Variants in EYS observed in about 807,000 individuals in gnomAD.
The protein encoded by EYS is EGF-like photoreceptor maintenance factor, also known as protein eyes shut homolog.
In EYS, 250 loss-of-function variants were observed where a neutral mutation model predicts 282.1. That is an observed-to-expected ratio of 0.89 (90% confidence interval 0.80 to 0.98). The LOEUF is 0.98. Among genes scored for constraint, EYS ranks in the 50% least tolerant of loss-of-function variants. The pLI, the probability that EYS is intolerant of heterozygous loss-of-function variation, is 0.00. For synonymous variants in EYS, 1,355 were observed against 1,282.9 expected (o/e 1.06, Z -1.20); for missense variants, 4,016 against 3,709.0 (o/e 1.08, Z -2.15).
chr6:65,539,931 C>A (rs1331200), intron 2 of EYS, among the ~76,000 whole-genome samples: 31,605 of 152,142 alleles, frequency 0.21, 3,685 homozygotes, highest in East Asian at 0.31. Context: ...AGGGAGAAAG[C>A]TCATAATGCT....
intron 26 of EYS, among the ~76,000 whole-genome samples, chr6:64,540,473 A>G (rs1764667598): frequency 7.2e-6 from 1 of 138,276 alleles, no homozygotes; most frequent in African/African-American, 2.6e-5. Flanking sequence ...GTCCAAGTAC[A>G]GATTTTTTTT....
At chr6:64,682,436 A>G (rs910307307) in intron 22 of EYS, among the ~76,000 whole-genome samples, 2 of 152,144 alleles carry the variant, frequency 1.3e-5, no homozygotes, top group African/African-American at 4.8e-5. Context: ...AGAGAGGCCA[A>G]TTCCTGATGG....
chr6:65,548,758 C>T (rs1929334), intron 2 of EYS, among the ~76,000 whole-genome samples: 113,291 of 152,182 alleles, frequency 0.74, 42,935 homozygotes, highest in African/African-American at 0.88. Context: ...TTAAACCCAC[C>T]CTATGAAGCC....
rs145068854 is a variant in EYS at position 65,250,530 on chromosome 6, G to A, written c.2023+45333C>T. On this transcript the variant is annotated intron_variant, in intron 12 of 42. Coordinates refer to ENST00000503581, the MANE Select transcript of EYS (RefSeq NM_001142800.2). ...AAAAATTCTCAGAAGAAATCTAACA[G>A]TACCTTAATAAAGCTGACTTCCAAG... Among the ~76,000 whole-genome samples, 781 of 151,974 alleles carry A rather than the reference G, an allele frequency of 5.1e-3. 6 individuals are homozygous for A. The highest frequency in any genetic ancestry group is 0.018 in the African/African-American group (750 of 41,478).
intron 5 of EYS, among the ~76,000 whole-genome samples, chr6:65,488,610 G>T (rs922075582): frequency 1.3e-5 from 2 of 151,952 alleles, no homozygotes; most frequent in African/African-American, 4.8e-5. Context: ...TTTCTTCACA[G>T]AATTGGAAAA....
chr6:64,935,215 C>G (rs1262021773), intron 15 of EYS, among the ~76,000 whole-genome samples: 1 of 151,382 alleles, frequency 6.6e-6, no homozygotes, highest in East Asian at 1.9e-4. Context: ...CAAAGTAAGG[C>G]AATAATGGAA....
chr6:64,393,242 A>T (rs1247361256), intron 28 of EYS, among the ~76,000 whole-genome samples: 1 of 152,218 alleles, frequency 6.6e-6, no homozygotes, highest in African/African-American at 2.4e-5. Flanking sequence ...AACCATTCCA[A>T]TCAATAGAAA....
chr6:65,008,055 G>C (rs1477957545), intron 13 of EYS, among the ~76,000 whole-genome samples: 1 of 152,178 alleles, frequency 6.6e-6, no homozygotes, highest in Non-Finnish European at 1.5e-5. Context: ...CCACAGGCCA[G>C]CAGGCAGTTC....
intron 31 of EYS, among the ~76,000 whole-genome samples, chr6:64,118,544 G>A (rs914035086): frequency 6.6e-6 from 1 of 152,002 alleles, no homozygotes; most frequent in African/African-American, 2.4e-5. Flanking sequence ...AACTCAAAAT[G>A]GATGAAATAA....
intron 2 of EYS, among the ~76,000 whole-genome samples, chr6:65,627,245 C>T (rs1766735936): frequency 6.6e-6 from 1 of 152,086 alleles, no homozygotes; most frequent in African/African-American, 2.4e-5. Context: ...ACTTGTGATA[C>T]CATGAAAGAG....
Position 64,278,267 on chromosome 6 carries a change from A to G in EYS, c.6191+28703T>C, listed in dbSNP as rs375475891. Among the ~76,000 whole-genome samples the G allele has an allele frequency of 3.0e-4, 45 of 152,300 alleles. No homozygotes were observed. The East Asian group carries it at 8.1e-3, about 27-fold the overall frequency. On this transcript the variant is annotated intron_variant, in intron 30 of 42. Coordinates refer to ENST00000503581, the MANE Select transcript of EYS (RefSeq NM_001142800.2). ...TGCTAAATGTTCCTTTAATTAATGA[A>G]TATCATTTGCAGCATCTTTATTATC...
At chr6:65,690,782 T>C (rs1769214375) in intron 1 of EYS, among the ~76,000 whole-genome samples, 1 of 150,048 alleles carries the variant, frequency 6.7e-6, no homozygotes, top group Non-Finnish European at 1.5e-5. Context: ...CCTCCCTGTG[T>C]CCATGTGTTC....
chr6:65,557,761 G>C (rs1768873868), intron 2 of EYS, among the ~76,000 whole-genome samples: 2 of 152,146 alleles, frequency 1.3e-5, no homozygotes, highest in African/African-American at 4.8e-5. Flanking sequence ...ACTGACAACT[G>C]GAGGGTTAGC....
chr6:64,701,610 A>T (rs2149924582), intron 22 of EYS, among the ~76,000 whole-genome samples: 1 of 152,160 alleles, frequency 6.6e-6, no homozygotes, highest in South Asian at 2.1e-4. Context: ...AAAATCAAAT[A>T]CTGCAGGTTC....
intron 26 of EYS, among the ~76,000 whole-genome samples, chr6:64,544,467 A>G (rs1764786887): frequency 6.6e-6 from 1 of 152,200 alleles, no homozygotes; most frequent in Non-Finnish European, 1.5e-5. Flanking sequence ...GAGAGAAAGG[A>G]AAATTGTGGT....
intron 14 of EYS, among the ~76,000 whole-genome samples, chr6:64,948,312 A>G (rs534477969): frequency 6.6e-6 from 1 of 151,390 alleles, no homozygotes; most frequent in South Asian, 2.1e-4. Context: ...CATTTTCCTC[A>G]ATTTAGACAT....
At chr6:64,095,244 G>A (rs1471089141) in intron 31 of EYS, among the ~76,000 whole-genome samples, 1 of 152,198 alleles carries the variant, frequency 6.6e-6, no homozygotes, top group East Asian at 1.9e-4. Flanking sequence ...ATTTGGGGTG[G>A]AGAGTTCTGT....
chr6:64,020,498 G>T (rs1769137939), intron 33 of EYS, among the ~76,000 whole-genome samples: 1 of 152,140 alleles, frequency 6.6e-6, no homozygotes, highest in Non-Finnish European at 1.5e-5. Context: ...GGTAGATTAT[G>T]TTCACTATTA....
At position 64,439,929 on chromosome 6, in the gene EYS, T is replaced by C. The variant is rs560140371; in HGVS notation, c.5645-577A>G. Among the ~76,000 whole-genome samples, 3 of 152,006 alleles carry C rather than the reference T, an allele frequency of 2.0e-5. No individual in the cohort carries two copies. In the South Asian group the frequency reaches 6.2e-4, roughly 32 times the overall value. ...ATTTCTTAAATTTGTAAATATGTGATTAATAAAACCAAGTTAGCTTATTTT... is the reference window on the plus strand; with the variant it reads ...ATTTCTTAAATTTGTAAATATGTGACTAATAAAACCAAGTTAGCTTATTTT... On this transcript the variant is annotated intron_variant, in intron 26 of 42. Coordinates refer to ENST00000503581, the MANE Select transcript of EYS (RefSeq NM_001142800.2).
Sources: allele counts gnomAD v4.1 joint callset (sites outside exome capture counted in the v4.1 genomes callset), GRCh38; gene constraint gnomAD v4.1.1; transcripts MANE v1.5; gene names NCBI Gene and HGNC (gene_info 2026-07-23, HGNC 2026-07-21).